PDE4D: variants seen among roughly 807,000 people sequenced by gnomAD.
PDE4D encodes phosphodiesterase 4D.
In PDE4D, 24 loss-of-function variants were observed where a neutral mutation model predicts 87.4. That is an observed-to-expected ratio of 0.27 (90% confidence interval 0.20 to 0.39). The LOEUF (loss-of-function observed/expected upper bound fraction) is 0.39. PDE4D is among the 10% of genes least tolerant of loss of function. The probability of loss-of-function intolerance (pLI) is 1.00; values close to 1 mark genes in which losing one functional copy is unlikely to be tolerated. For missense variants in PDE4D, 714 were observed against 1,041.0 expected (o/e 0.69, Z 4.32); for synonymous variants, 384 against 383.2 (o/e 1.00, Z -0.02).
chr5:59,017,754 A>G (rs1351898718), intron 6 of PDE4D, among the ~76,000 whole-genome samples: 1 of 152,224 alleles, frequency 6.6e-6, no homozygotes, highest in Non-Finnish European at 1.5e-5. Context: ...CCAAAATTAG[A>G]ATTTAGTACT....
chr5:59,110,152 G>A (rs1362314449), intron 5 of PDE4D, among the ~76,000 whole-genome samples: 1 of 152,212 alleles, frequency 6.6e-6, no homozygotes, highest in African/African-American at 2.4e-5. Context: ...GCGTATGTTG[G>A]CAAGGCCAAA....
intron 1 of PDE4D, among the ~76,000 whole-genome samples, chr5:59,479,982 T>G (rs998901320): frequency 7.0e-6 from 1 of 143,808 alleles, no homozygotes; most frequent in Non-Finnish European, 1.5e-5. Context: ...ATGCCAAGCA[T>G]TTTTTTTTGG....
Position 60,185,631 on chromosome 5 carries a change from G to A in PDE4D, c.-33C>T, listed in dbSNP as rs186583057. 264 of 1,390,612 alleles carry A rather than the reference G, an allele frequency of 1.9e-4. 1 individual carries two copies. In the Middle Eastern group the frequency reaches 1.9e-3, roughly 10 times the overall value. 86.1% of individuals were successfully genotyped at this position (1,390,612 alleles called of 1,614,324 possible). A position where few individuals can be genotyped will look rare whatever the true frequency, so the allele number is the denominator to read the frequency against. On this transcript the variant is annotated 5_prime_UTR_variant, in exon 2 of 17. Coordinates refer to the PDE4D transcript ENST00000502484. The stretch of plus-strand genomic sequence containing the variant: ...TTTTAAGTAATTAAAATGGGAACTA[G>A]TGTTTCCAGTGTCAATGATCTCACT...
chr5:59,185,165 AGG>A (rs762875432), intron 4 of PDE4D, 22 bp downstream of exon 4: 1 of 1,582,434 alleles, frequency 6.3e-7, no homozygotes, highest in Admixed American at 1.7e-5. Flanking sequence ...AGCAAAAAAG[AGG>A]GGGGAAAAAA....
At chr5:59,860,482 T>C (rs898612821) in intron 1 of PDE4D, among the ~76,000 whole-genome samples, 1 of 152,224 alleles carries the variant, frequency 6.6e-6, no homozygotes, top group Admixed American at 6.5e-5. Context: ...CTTATTGAAG[T>C]TAATAGCTAC....
intron 1 of PDE4D, among the ~76,000 whole-genome samples, chr5:59,457,791 G>A (rs985313529): frequency 3.9e-5 from 6 of 152,138 alleles, no homozygotes; most frequent in Non-Finnish European, 8.8e-5. Context: ...GCTACTTTGG[G>A]AGGCTGAGGC....
chr5:60,171,806 A>G (rs1012455027), intron 2 of PDE4D, among the ~76,000 whole-genome samples: 7 of 152,014 alleles, frequency 4.6e-5, no homozygotes, highest in African/African-American at 1.7e-4. Flanking sequence ...CCATACTCAT[A>G]TCCAGACAAG....
intron 2 of PDE4D, among the ~76,000 whole-genome samples, chr5:59,202,099 CT>C (rs1253405946): frequency 7.9e-5 from 10 of 126,642 alleles, no homozygotes. Flanking sequence ...AATGCAGTGG[CT>C]GCAATCTCGG....
At chr5:59,089,342 A>G (rs930600827) in intron 5 of PDE4D, among the ~76,000 whole-genome samples, 12 of 152,164 alleles carry the variant, frequency 7.9e-5, no homozygotes, top group African/African-American at 2.9e-4. Context: ...AGTTGACATT[A>G]TATGTTAGTT....
intron 5 of PDE4D, among the ~76,000 whole-genome samples, chr5:59,133,614 A>G (rs1399281998): frequency 1.3e-5 from 2 of 152,180 alleles, no homozygotes; most frequent in African/African-American, 4.8e-5. Context: ...TGGCCTCCCC[A>G]GGTCAGCTCT....
intron 1 of PDE4D, among the ~76,000 whole-genome samples, chr5:59,419,197 G>C (rs1242370655): frequency 1.3e-5 from 2 of 152,152 alleles, no homozygotes; most frequent in African/African-American, 2.4e-5. Flanking sequence ...TAGCCCAGCT[G>C]GTGGTAGGTG....
chr5:60,510,129 GA>G (rs1259172206), intron 1 of PDE4D, among the ~76,000 whole-genome samples: 11 of 152,140 alleles, frequency 7.2e-5, no homozygotes, highest in African/African-American at 2.4e-4. Context: ...GGCTCTGCAG[GA>G]GACCAGGGAA....
intron 1 of PDE4D, among the ~76,000 whole-genome samples, chr5:59,889,901 C>G (rs2152752703): frequency 6.6e-6 from 1 of 152,226 alleles, no homozygotes. Context: ...GTTTGACAGA[C>G]ACACTTTATA....
At chr5:59,368,755 G>A (rs1022538837) in intron 1 of PDE4D, among the ~76,000 whole-genome samples, 6 of 152,170 alleles carry the variant, frequency 3.9e-5, no homozygotes, top group South Asian at 2.1e-4. Flanking sequence ...TTGAACAATT[G>A]ATTGGGAAGT....
chr5:59,567,490 A>T (rs1296741156), intron 1 of PDE4D, among the ~76,000 whole-genome samples: 1 of 152,236 alleles, frequency 6.6e-6, no homozygotes, highest in Non-Finnish European at 1.5e-5. Flanking sequence ...TTGTGGAATT[A>T]TCTGAGAATT....
intron 2 of PDE4D, among the ~76,000 whole-genome samples, chr5:60,009,348 T>C (rs1251153879): frequency 6.6e-6 from 1 of 151,992 alleles, no homozygotes; most frequent in Non-Finnish European, 1.5e-5. Context: ...TTTTTTAAGA[T>C]CCATTGAAGA....
chr5:60,149,271 G>T (rs768737034), intron 2 of PDE4D, among the ~76,000 whole-genome samples: 5 of 152,124 alleles, frequency 3.3e-5, no homozygotes, highest in Admixed American at 2.0e-4. Flanking sequence ...CAAGAGCATG[G>T]TATCAGCACC....
At chr5:59,358,322 A>C (rs1781711836) in intron 1 of PDE4D, among the ~76,000 whole-genome samples, 1 of 152,204 alleles carries the variant, frequency 6.6e-6, no homozygotes, top group South Asian at 2.1e-4. Context: ...AGAGTTCAAA[A>C]ATAAACACAA....
At chr5:60,183,433 C>T (rs906329903) in intron 2 of PDE4D, among the ~76,000 whole-genome samples, 1 of 152,186 alleles carries the variant, frequency 6.6e-6, no homozygotes, top group African/African-American at 2.4e-5. Flanking sequence ...AACCACCCAT[C>T]TTATGCCTGA....
Sources: gnomAD v4.1 joint callset for allele counts (sites outside exome capture counted in the v4.1 genomes callset) on GRCh38, gnomAD v4.1.1 for gene constraint, MANE v1.5 for transcripts, NCBI Gene and HGNC (gene_info 2026-07-23, HGNC 2026-07-21) for gene names.